Variants in FAF1 observed in about 807,000 individuals in gnomAD.
FAF1 encodes FAS-associated factor 1.
In FAF1, 25 loss-of-function variants were observed where a neutral mutation model predicts 92.5. That is an observed-to-expected ratio of 0.27 (90% confidence interval 0.20 to 0.38). The LOEUF (loss-of-function observed/expected upper bound fraction) is 0.38. Ranked by LOEUF, FAF1 falls within the 10% of genes least tolerant of loss-of-function variation. The pLI is 1.00. For synonymous variants in FAF1, 234 were observed against 273.2 expected (o/e 0.86, Z 1.42); for missense variants, 636 against 793.3 (o/e 0.80, Z 2.38).
chr1:50,619,480 C>G (rs1653089402), intron 8 of FAF1, among the ~76,000 whole-genome samples: 1 of 152,146 alleles, frequency 6.6e-6, no homozygotes, highest in African/African-American at 2.4e-5. Context: ...TTTTGTTTCT[C>G]CTTCACTTAT....
chr1:50,825,042 AAC>A (rs1463058135), intron 2 of FAF1, among the ~76,000 whole-genome samples: 1 of 152,122 alleles, frequency 6.6e-6, no homozygotes, highest in Non-Finnish European at 1.5e-5. Context: ...TCAATAACAC[AAC>A]AGAGTGACTA....
intron 18 of FAF1, among the ~76,000 whole-genome samples, chr1:50,467,058 T>C (rs1230931967): frequency 1.3e-5 from 2 of 152,174 alleles, no homozygotes; most frequent in Non-Finnish European, 2.9e-5. Flanking sequence ...ACCCACTGCA[T>C]GAACTGCAGT....
intron 4 of FAF1, among the ~76,000 whole-genome samples, chr1:50,778,533 C>T (rs979471882): frequency 2.0e-5 from 3 of 152,014 alleles, no homozygotes; most frequent in Admixed American, 6.6e-5. Flanking sequence ...ATCTTTGGTA[C>T]ATTATGTGCA....
At chr1:50,826,773 C>T (rs962774324) in intron 2 of FAF1, among the ~76,000 whole-genome samples, 9 of 152,022 alleles carry the variant, frequency 5.9e-5, no homozygotes, top group African/African-American at 2.2e-4. Context: ...CAAAATACAA[C>T]CTGTGAAGAC....
At chr1:50,900,404 T>C (rs531592738) in intron 1 of FAF1, among the ~76,000 whole-genome samples, 19 of 152,314 alleles carry the variant, frequency 1.2e-4, no homozygotes, top group African/African-American at 3.6e-4. Flanking sequence ...ATGGTGATTA[T>C]TGTTTTCTTC....
At chr1:50,646,258 C>G (rs1313075701) in intron 8 of FAF1, among the ~76,000 whole-genome samples, 3 of 152,196 alleles carry the variant, frequency 2.0e-5, no homozygotes, top group Non-Finnish European at 4.4e-5. Flanking sequence ...CATATATACA[C>G]ACACACACAT....
At chr1:50,550,507 A>T (rs1649261947) in intron 13 of FAF1, among the ~76,000 whole-genome samples, 2 of 152,178 alleles carry the variant, frequency 1.3e-5, no homozygotes, top group African/African-American at 4.8e-5. Context: ...GTAACCCAGC[A>T]CTTATTAAGC....
chr1:50,704,198 T>A (rs1420246047), intron 7 of FAF1, among the ~76,000 whole-genome samples: 2 of 152,138 alleles, frequency 1.3e-5, no homozygotes, highest in Admixed American at 6.6e-5. Context: ...TGAATAGCAT[T>A]TTTAGGCTAT....
intron 8 of FAF1, among the ~76,000 whole-genome samples, chr1:50,625,261 G>C (rs563172977): frequency 6.6e-6 from 1 of 152,214 alleles, no homozygotes; most frequent in African/African-American, 2.4e-5. Flanking sequence ...AATTTGTTCT[G>C]ATACAACTTC....
intron 1 of FAF1, among the ~76,000 whole-genome samples, chr1:50,916,067 G>A (rs1214406182): frequency 6.6e-6 from 1 of 152,078 alleles, no homozygotes; most frequent in African/African-American, 2.4e-5. Context: ...TAATTTTTCA[G>A]TACATACTCT....
chr1:50,907,179 C>T (rs1173720207), intron 1 of FAF1, among the ~76,000 whole-genome samples: 4 of 152,154 alleles, frequency 2.6e-5, no homozygotes, highest in East Asian at 1.9e-4. Context: ...CAACGGATTA[C>T]GTTTATTGAT....
At chr1:50,862,823 A>C (rs1473983715) in intron 1 of FAF1, among the ~76,000 whole-genome samples, 1 of 151,976 alleles carries the variant, frequency 6.6e-6, no homozygotes, top group Non-Finnish European at 1.5e-5. Flanking sequence ...TAAAGGGACT[A>C]GTACAACAGG....
At chr1:50,540,425 A>T (rs1017273489) in intron 13 of FAF1, among the ~76,000 whole-genome samples, 2 of 152,216 alleles carry the variant, frequency 1.3e-5, no homozygotes, top group African/African-American at 4.8e-5. Flanking sequence ...GAATTTAGCA[A>T]CGTTTTCACA....
rs190805981 is a variant in FAF1, at chr1:50,802,742, T to C, written c.115-1065A>G. ...AGCCCAACTTTTCCAACTCTGTCTT[T>C]ATACCATAACAACTTCTCCTTCCCT... On this transcript the variant is annotated intron_variant, in intron 2 of 18. Coordinates refer to ENST00000396153, the MANE Select transcript of FAF1 (RefSeq NM_007051.3). Among the ~76,000 whole-genome samples, 24 of 152,320 alleles carry C rather than the reference T, an allele frequency of 1.6e-4. No individual in the cohort carries two copies. In the East Asian group the frequency reaches 4.4e-3, roughly 28 times the overall value.
chr1:50,442,485 G>A (rs183341152), intron 18 of FAF1, among the ~76,000 whole-genome samples: 2 of 152,302 alleles, frequency 1.3e-5, no homozygotes, highest in Admixed American at 1.3e-4. Context: ...CCCAGAACAG[G>A]TGTTCCATAA....
intron 15 of FAF1, among the ~76,000 whole-genome samples, chr1:50,510,249 G>T (rs866825021): frequency 3.3e-5 from 5 of 151,074 alleles, no homozygotes; most frequent in Non-Finnish European, 7.4e-5. Context: ...ATATCACATA[G>T]CATCTGGGAC....
rs931005473 is a variant in FAF1 at position 50,802,856 on chromosome 1, C to A, written c.115-1179G>T. Among the ~76,000 whole-genome samples, 5 of 152,220 alleles carry A rather than the reference C, an allele frequency of 3.3e-5. No individual in the cohort carries two copies. In the South Asian group the frequency reaches 8.3e-4, roughly 25 times the overall value. On this transcript the variant is annotated intron_variant, in intron 2 of 18. Coordinates refer to ENST00000396153, the MANE Select transcript of FAF1 (RefSeq NM_007051.3). The stretch of plus-strand genomic sequence containing the variant: ...GTTTTATCAGCTGCCTGGAAATCAA[C>A]TGCCAAAAGGAGTTTGGGTATTTTG...
intron 14 of FAF1, among the ~76,000 whole-genome samples, chr1:50,538,946 TC>T (rs981088862): frequency 1.3e-5 from 2 of 152,190 alleles, no homozygotes; most frequent in Non-Finnish European, 2.9e-5. Context: ...GAAAATCTTT[TC>T]CCCAGTGGCA....
chr1:50,884,521 C>CA (rs560254938), intron 1 of FAF1, among the ~76,000 whole-genome samples: 3,722 of 90,322 alleles, frequency 0.041, 102 homozygotes, highest in African/African-American at 0.093. Context: ...GACTCTGTCT[C>CA]AAAAAAAAAA....
Sources: gnomAD v4.1 joint callset for allele counts (sites outside exome capture counted in the v4.1 genomes callset) on GRCh38, gnomAD v4.1.1 for gene constraint, MANE v1.5 for transcripts, NCBI Gene and HGNC (gene_info 2026-07-23, HGNC 2026-07-21) for gene names.